The following SLC2A5 variants were observed in gnomAD, a reference collection of about 807,000 sequenced individuals.
SLC2A5 encodes the protein solute carrier family 2 member 5, also known as solute carrier family 2, facilitated glucose transporter member 5.
Under a neutral mutation model 50.3 loss-of-function variants are expected in SLC2A5, and 56 were observed. The observed-to-expected ratio is 1.11, with a 90% confidence interval of 0.90 to 1.39. SLC2A5 has a LOEUF of 1.39. Ranked by LOEUF, SLC2A5 falls within the 40% of genes most tolerant of loss-of-function variation. SLC2A5 has a pLI of 0.00. For synonymous variants in SLC2A5, 269 were observed against 281.9 expected, an observed-to-expected ratio of 0.95 and a Z score of 0.46; for missense variants, 566 against 650.1, an observed-to-expected ratio of 0.87 and a Z score of 1.41.
At chr1:9,069,858 CTGGA>C (rs1642177326), upstream of SLC2A5, 3 of 265,362 alleles carry the variant, frequency 1.1e-5, no homozygotes, top group South Asian at 2.0e-4. Flanking sequence ...TGGTGAATGA[CTGGA>C]AGGGTTATTT....
At chr1:9,053,971 G>A (rs1285446393) in intron 3 of SLC2A5, among the ~76,000 whole-genome samples, 3 of 151,968 alleles carry the variant, frequency 2.0e-5, no homozygotes, top group South Asian at 2.1e-4. Context: ...TTTTAAAAAC[G>A]AATAAATAGA....
At chr1:9,045,079 TTCTC>T (rs1249978442) in intron 4 of SLC2A5, among the ~76,000 whole-genome samples, 4 of 152,084 alleles carry the variant, frequency 2.6e-5, no homozygotes, top group African/African-American at 9.7e-5. Context: ...CTGCTCTTCA[TTCTC>T]TCTCTCTCAT....
upstream of SLC2A5, among the ~76,000 whole-genome samples, chr1:9,091,899 G>T (rs187831511): frequency 1.3e-5 from 2 of 152,174 alleles, no homozygotes; most frequent in East Asian, 3.9e-4. Context: ...AGAACTAGTT[G>T]CCCTAATAAG....
In SLC2A5 at chr1:9,058,136, C is replaced by T; in HGVS notation, c.132+16G>A. ...CCAAACGTCCTCCCCACATCTTGCT[C>T]ACCACAGTGACCTACCAGTGCTGGG... On this transcript the variant is annotated intron_variant, in intron 2 of 11. Transcript: ENST00000377424. 2 of 1,595,028 alleles carry T rather than the reference C, an allele frequency of 1.3e-6. No homozygotes were observed. Among genetic ancestry groups the T allele is most frequent in the Non-Finnish European group, 1.7e-6 (2 of 1,162,684 alleles).
chr1:9,044,695 C>G (rs1163059773), intron 4 of SLC2A5, among the ~76,000 whole-genome samples: 2 of 152,132 alleles, frequency 1.3e-5, no homozygotes, highest in Non-Finnish European at 2.9e-5. Context: ...GCTGGGATTA[C>G]AGACCTACTC....
chr1:9,086,298 C>G (rs1052824104), intron 1 of SLC2A5, among the ~76,000 whole-genome samples: 1 of 151,974 alleles, frequency 6.6e-6, no homozygotes, highest in Non-Finnish European at 1.5e-5. Context: ...TTAATTGCTG[C>G]GAGGCCAGCC....
intron 4 of SLC2A5, among the ~76,000 whole-genome samples, chr1:9,045,183 T>C (rs1641405832): frequency 6.6e-6 from 1 of 152,214 alleles, no homozygotes; most frequent in South Asian, 2.1e-4. Flanking sequence ...AGCTGTCTTC[T>C]ATTAAGCCAG....
chr1:9,090,007 A>G (rs1256505773), upstream of SLC2A5, among the ~76,000 whole-genome samples: 1 of 152,206 alleles, frequency 6.6e-6, no homozygotes. Flanking sequence ...AAGGCCCATT[A>G]GAACATTCAT....
chr1:9,079,247 C>T (rs749770355), intron 2 of SLC2A5, among the ~76,000 whole-genome samples: 4 of 152,270 alleles, frequency 2.6e-5, no homozygotes, highest in Admixed American at 6.5e-5. Context: ...TTGTTGATCA[C>T]GCTCTGATAT....
At chr1:9,088,697 T>G (rs1642430992), upstream of SLC2A5, among the ~76,000 whole-genome samples, 1 of 152,106 alleles carries the variant, frequency 6.6e-6, no homozygotes, top group Non-Finnish European at 1.5e-5. Flanking sequence ...GCAGGAGAAT[T>G]GCCTCAACCC....
intron 1 of SLC2A5, among the ~76,000 whole-genome samples, chr1:9,065,761 G>A (rs1286238354): frequency 2.0e-5 from 3 of 152,144 alleles, no homozygotes; most frequent in Admixed American, 6.5e-5. Flanking sequence ...ACTTTGGGAG[G>A]CCGAGGCAGG....
chr1:9,053,082 A>AATATATAATATATATTTATATATAAT (rs1641623930), intron 3 of SLC2A5, among the ~76,000 whole-genome samples: 5 of 115,706 alleles, frequency 4.3e-5, no homozygotes, highest in Non-Finnish European at 8.2e-5. Flanking sequence ...TTTATATATT[A>AATATATAATATATATTTATATATAAT]ATATATAATA....
chr1:9,053,732 G>C (rs1296204413), intron 3 of SLC2A5, among the ~76,000 whole-genome samples: 2 of 149,502 alleles, frequency 1.3e-5, no homozygotes, highest in Non-Finnish European at 3.0e-5. Context: ...AAATTGGCTG[G>C]ACATGGTGGC....
At chr1:9,085,299 G>A (rs564065874) in intron 1 of SLC2A5, 1 of 152,382 alleles carries the variant, frequency 6.6e-6, no homozygotes, top group African/African-American at 2.4e-5. Context: ...GGAGGCATGA[G>A]ACATCAATCA....
intron 4 of SLC2A5, among the ~76,000 whole-genome samples, chr1:9,045,607 G>GC (rs1459157473): frequency 6.6e-6 from 1 of 152,078 alleles, no homozygotes. Flanking sequence ...GCAGAGACCG[G>GC]CCGGGCATGG....
At chr1:9,050,712 G>T (rs1437132210) in intron 3 of SLC2A5, among the ~76,000 whole-genome samples, 1 of 152,002 alleles carries the variant, frequency 6.6e-6, no homozygotes, top group Non-Finnish European at 1.5e-5. Context: ...AGAAAGAATT[G>T]ATCCTTAAAA....
intron 2 of SLC2A5, 77 bp from the exon 3 acceptor site, chr1:9,057,685 C>A: frequency 7.6e-7 from 1 of 1,307,516 alleles, no homozygotes; most frequent in Non-Finnish European, 1.1e-6. Flanking sequence ...GTTAGGACAC[C>A]CAATGAAATA....
At chr1:9,047,547 G>A in intron 4 of SLC2A5, 63 bp downstream of exon 4, 2 of 1,569,664 alleles carry the variant, frequency 1.3e-6, no homozygotes, top group Non-Finnish European at 1.7e-6. Flanking sequence ...TAGTCCCTGG[G>A]AACCTGTTGT....
chr1:9,091,257 C>T (rs1030386798), upstream of SLC2A5, among the ~76,000 whole-genome samples: 20 of 152,176 alleles, frequency 1.3e-4, no homozygotes, highest in African/African-American at 4.3e-4. Flanking sequence ...TACAGGACCC[C>T]GCTTTAGGCC....
Sources: gnomAD v4.1 joint callset for allele counts (sites outside exome capture counted in the v4.1 genomes callset) on GRCh38, gnomAD v4.1.1 for gene constraint, MANE v1.5 for transcripts, NCBI Gene and HGNC (gene_info 2026-07-23, HGNC 2026-07-21) for gene names.